Variants in SNTG2 observed in about 807,000 individuals in gnomAD.
SNTG2 encodes syntrophin gamma 2.
SNTG2 carries 74 observed loss-of-function variants against 70.9 expected under a neutral mutation model. The observed-to-expected ratio is 1.04, with a 90% confidence interval of 0.86 to 1.27. The LOEUF is 1.27. Among genes scored for constraint, SNTG2 ranks in the 50% most tolerant of loss-of-function variants. The pLI is 0.00. For synonymous variants in SNTG2, 278 were observed against 273.8 expected, an observed-to-expected ratio of 1.02 and a Z score of -0.15; for missense variants, 717 against 690.7, an observed-to-expected ratio of 1.04 and a Z score of -0.43.
intron 16 of SNTG2, among the ~76,000 whole-genome samples, chr2:1,356,338 A>G (rs1660852626): frequency 6.6e-6 from 1 of 152,112 alleles, no homozygotes; most frequent in African/African-American, 2.4e-5. Flanking sequence ...TTAAGTCGTT[A>G]ATCTATTTTG....
chr2:1,215,550 C>T (rs558405673), intron 9 of SNTG2, among the ~76,000 whole-genome samples: 1,732 of 150,922 alleles, frequency 0.011, 31 homozygotes, highest in African/African-American at 0.04. Context: ...TCTTTTTTTT[C>T]TTTTTTTTCT....
intron 15 of SNTG2, among the ~76,000 whole-genome samples, chr2:1,309,094 A>G (rs13418575): frequency 0.017 from 2,516 of 152,338 alleles, 61 homozygotes; most frequent in African/African-American, 0.056. Context: ...GTTTTGTCAT[A>G]ATATTTTTTA....
chr2:1,045,133 T>G (rs934257551), intron 1 of SNTG2, among the ~76,000 whole-genome samples: 3 of 152,064 alleles, frequency 2.0e-5, no homozygotes, highest in African/African-American at 7.2e-5. Context: ...GATTGCAAGT[T>G]TCCAGGAATC....
At chr2:1,310,134 A>G (rs1009625031) in intron 15 of SNTG2, among the ~76,000 whole-genome samples, 1 of 152,210 alleles carries the variant, frequency 6.6e-6, no homozygotes, top group African/African-American at 2.4e-5. Flanking sequence ...ATCTGAAAGG[A>G]GAATCCAAAT....
intron 6 of SNTG2, chr2:1,163,299 T>G (rs1421152948): frequency 6.8e-6 from 1 of 147,290 alleles, no homozygotes; most frequent in Non-Finnish European, 1.5e-5. Context: ...GGTGGGTGTG[T>G]GAGGCCTCCC....
intron 12 of SNTG2, among the ~76,000 whole-genome samples, chr2:1,258,925 T>A (rs992041068): frequency 6.6e-6 from 1 of 152,202 alleles, no homozygotes; most frequent in Non-Finnish European, 1.5e-5. Flanking sequence ...CAAAAGACTG[T>A]CTACACAATA....
At chr2:1,274,422 C>T (rs887110403) in intron 14 of SNTG2, among the ~76,000 whole-genome samples, 2 of 152,198 alleles carry the variant, frequency 1.3e-5, no homozygotes, top group African/African-American at 4.8e-5. Context: ...GAATTATTGG[C>T]ATATGCAATG....
At chr2:1,322,524 A>T (rs1681578057) in intron 16 of SNTG2, among the ~76,000 whole-genome samples, 1 of 152,202 alleles carries the variant, frequency 6.6e-6, no homozygotes, top group South Asian at 2.1e-4. Context: ...AGGAGAAATA[A>T]TAAAAATTAA....
chr2:1,078,789 G>A (rs1367142792), intron 1 of SNTG2, among the ~76,000 whole-genome samples: 4 of 151,776 alleles, frequency 2.6e-5, no homozygotes, highest in African/African-American at 7.3e-5. Flanking sequence ...ACTGAACCCC[G>A]TGACCCCAGG....
intron 9 of SNTG2, among the ~76,000 whole-genome samples, chr2:1,221,403 C>A (rs1245304139): frequency 6.9e-6 from 1 of 144,736 alleles, no homozygotes; most frequent in African/African-American, 2.7e-5. Flanking sequence ...GTCTCTGTCC[C>A]TCTCAGTCTC....
At chr2:1,134,005 C>T (rs1025055461) in intron 4 of SNTG2, among the ~76,000 whole-genome samples, 2 of 152,028 alleles carry the variant, frequency 1.3e-5, no homozygotes, top group African/African-American at 4.8e-5. Context: ...CTGGTGGGTT[C>T]GTGGTCTCGC....
chr2:1,278,331 G>A (rs1407877911), intron 14 of SNTG2, among the ~76,000 whole-genome samples: 1 of 152,036 alleles, frequency 6.6e-6, no homozygotes, highest in African/African-American at 2.4e-5. Context: ...GTTTATGGAG[G>A]GTACGAGGTG....
chr2:1,255,648 C>T (rs1678010603), intron 12 of SNTG2, among the ~76,000 whole-genome samples: 2 of 151,696 alleles, frequency 1.3e-5, no homozygotes, highest in African/African-American at 4.8e-5. Context: ...GACGCCTGGC[C>T]ACACTCAGGC....
At chr2:998,978 T>C (rs1464901063) in intron 1 of SNTG2, among the ~76,000 whole-genome samples, 1 of 152,114 alleles carries the variant, frequency 6.6e-6, no homozygotes, top group Non-Finnish European at 1.5e-5. Flanking sequence ...CAGAAGAGAC[T>C]AGGGTTCTAC....
rs73179475 is a variant in SNTG2, at chr2:1,353,469, C to T, written c.1489-13874C>T. Among the ~76,000 whole-genome samples the T allele has an allele frequency of 0.019, 2,871 of 152,302 alleles. 84 individuals are homozygous for T. Among genetic ancestry groups the T allele is most frequent in the African/African-American group, 0.066 (2,725 of 41,546 alleles). On this transcript the variant is annotated intron_variant, in intron 16 of 16. Transcript: ENST00000308624. The surrounding 1 kb of genome is among the most constrained non-coding windows in gnomAD (Gnocchi z 4.2). ...TCTAAGACAAACTACAAAGCATCCTCGCTTATTCCAGGTATTCATTCATGC... is the reference window on the plus strand; with the variant it reads ...TCTAAGACAAACTACAAAGCATCCTTGCTTATTCCAGGTATTCATTCATGC...
intron 13 of SNTG2, chr2:1,262,859 C>CAGCCGCTGACTGACTGTTGACGGCA (rs1335673743): frequency 6.6e-4 from 100 of 152,460 alleles, no homozygotes; most frequent in African/African-American, 2.4e-3. Context: ...ATGGCCTAGC[C>CAGCCGCTGACTGACTGTTGACGGCA]AGCCGCTGAC....
Position 1,362,225 on chromosome 2 carries a change from A to G in SNTG2, c.1489-5118A>G. On this transcript the variant is annotated intron_variant, in intron 16 of 16. Coordinates refer to ENST00000308624, the MANE Select transcript of SNTG2 (RefSeq NM_018968.4). ...TTTCAGTAGAACTTCCACGAAGGTC[A>G]CCAACACTGAGTGTTTCAGTAGAAC... is the stretch of plus-strand genomic sequence containing the variant. 1.3e-5 allele frequency among the ~76,000 whole-genome samples: 2 copies of G among 151,004 alleles called. 1 individual carries two copies. Among genetic ancestry groups the G allele is most frequent in the Non-Finnish European group, 2.9e-5 (2 of 67,902 alleles).
chr2:1,149,672 G>GTTTT (rs1221169268), intron 6 of SNTG2, among the ~76,000 whole-genome samples: 3 of 146,538 alleles, frequency 2.0e-5, no homozygotes, highest in African/African-American at 7.7e-5. Context: ...GTTGATTAGC[G>GTTTT]TTTTTTTTTT....
At chr2:1,129,709 C>G (rs1572514422) in intron 4 of SNTG2, among the ~76,000 whole-genome samples, 1 of 152,084 alleles carries the variant, frequency 6.6e-6, no homozygotes, top group Non-Finnish European at 1.5e-5. Context: ...AACTGGAAAC[C>G]TCAACCACTT....
Sources: gnomAD v4.1 joint callset for allele counts (sites outside exome capture counted in the v4.1 genomes callset) on GRCh38, gnomAD v4.1.1 for gene constraint, Gnocchi (gnomAD v3.1) non-coding constraint, MANE v1.5 for transcripts, NCBI Gene and HGNC (gene_info 2026-07-23, HGNC 2026-07-21) for gene names.